Variants in PRDM12 observed in about 807,000 individuals in gnomAD.
The protein encoded by PRDM12 is PR/SET domain 12, also known as PR domain zinc finger protein 12.
Under a neutral mutation model 29.6 loss-of-function variants are expected in PRDM12, and 17 were observed. That is an observed-to-expected ratio of 0.57 (90% CI 0.39 to 0.86). The LOEUF is 0.86. Among genes scored for constraint, PRDM12 ranks in the 40% least tolerant of loss-of-function variants. The pLI, the probability that PRDM12 is intolerant of heterozygous loss-of-function variation, is 0.00. For synonymous variants in PRDM12, 231 were observed against 225.8 expected, an observed-to-expected ratio of 1.02 and a Z score of -0.21; for missense variants, 422 against 510.8, an observed-to-expected ratio of 0.83 and a Z score of 1.68.
Position 130,668,168 on chromosome 9 carries a change from A to G in PRDM12, c.425A>G (p.Glu142Gly), listed in dbSNP as rs148215906. 6.8e-6 allele frequency: 11 copies of G among 1,614,138 alleles called. No individual in the cohort carries two copies. In the African/African-American group the frequency reaches 1.3e-4, roughly 20 times the overall value. Residue 142 changes from glutamate (E) to glycine (G), a missense_variant, in exon 3 of 5, where the codon GAG (glutamate) becomes GGG (glycine). Around this residue, in one of 5 missense-constraint regions of PRDM12, gnomAD observed 300 missense variants for 350.0 expected, o/e 0.86. Transcript: ENST00000253008. The surrounding 1 kb of genome is among the most constrained non-coding windows in gnomAD (Gnocchi z 4.0). Reference protein sequence around the residue: ...NNNLMWEVFNEDGTVRYFIDA... With the variant: ...NNNLMWEVFNGDGTVRYFIDA... ...TCCATCTGTGCCCAGGTGTTCAATG[A>G]GGATGGCACGGTGCGCTACTTCATC... is the stretch of plus-strand genomic sequence containing the variant.
chr9:130,680,706 T>A (rs1308900239), intron 4 of PRDM12, among the ~76,000 whole-genome samples: 1 of 145,878 alleles, frequency 6.9e-6, no homozygotes, highest in Admixed American at 7.0e-5. Flanking sequence ...ATTATCTCCA[T>A]TTCAGGAAGG....
At chr9:130,679,747 A>G (rs1487664329) in intron 4 of PRDM12, among the ~76,000 whole-genome samples, 1 of 151,976 alleles carries the variant, frequency 6.6e-6, no homozygotes, top group Non-Finnish European at 1.5e-5. Flanking sequence ...TACAGCCTCA[A>G]CCACCTGGGC....
At chr9:130,666,902 CG>C (rs1347276839) in intron 2 of PRDM12, 104 bp downstream of exon 2, 13 of 1,426,104 alleles carry the variant, frequency 9.1e-6, no homozygotes, top group African/African-American at 1.5e-5. Flanking sequence ...GGGCTGAGAG[CG>C]GCGGACACTC....
chr9:130,680,656 TA>T (rs1335344525), intron 4 of PRDM12, among the ~76,000 whole-genome samples: 1,575 of 92,044 alleles, frequency 0.017, 28 homozygotes, highest in Admixed American at 0.031. Flanking sequence ...TATATATATA[TA>T]TATTTTTTTT....
chr9:130,667,908 G>A (rs552032665), intron 2 of PRDM12, among the ~76,000 whole-genome samples: 73 of 152,262 alleles, frequency 4.8e-4, no homozygotes, highest in African/African-American at 1.7e-3. Context: ...GGAGGACACG[G>A]CAACAGGAGC....
In PRDM12 at chr9:130,679,478, G is replaced by A. The variant is rs1344379322; in HGVS notation, c.682+838G>A. Reference sequence around the variant, plus strand: ...CTCCCGAGTAGTTGGGATTACAGGCGTGTGCCACCATGCCCAGCTAATCTT... The same window carrying A: ...CTCCCGAGTAGTTGGGATTACAGGCATGTGCCACCATGCCCAGCTAATCTT... On this transcript the variant is annotated intron_variant, in intron 4 of 4. Coordinates refer to ENST00000253008, the MANE Select transcript of PRDM12 (RefSeq NM_021619.3). Among the ~76,000 whole-genome samples, 5 of 151,780 alleles carry A rather than the reference G, an allele frequency of 3.3e-5. 1 individual carries two copies. Among genetic ancestry groups the A allele is most frequent in the Middle Eastern group, 6.8e-3 (2 of 294 alleles).
Position 130,680,659 on chromosome 9 carries a change from ATTTT to A in PRDM12, c.683-578_683-575del, listed in dbSNP as rs767033169. Among the ~76,000 whole-genome samples the A allele has an allele frequency of 3.6e-3, 263 of 72,164 alleles. 2 individuals are homozygous for A. The highest frequency in any genetic ancestry group is 0.014 in the East Asian group (22 of 1,552). 47.3% of individuals were successfully genotyped at this position (72,164 alleles called of 152,430 possible). On this transcript the variant is annotated intron_variant, in intron 4 of 4. Coordinates refer to ENST00000253008, the MANE Select transcript of PRDM12 (RefSeq NM_021619.3). ...AATATATATATATATATATATATAT[ATTTT>A]TTTTTTTTTTAACTGATCCTTACCA...
At position 130,666,806 on chromosome 9, in the gene PRDM12, C is replaced by G; in HGVS notation, c.414+8C>G. 1 of 1,592,396 alleles carries G rather than the reference C, an allele frequency of 6.3e-7. No individual in the cohort carries two copies. ...AACAACCTCATGTGGGAGGTACGCG[C>G]GGGCTGGGGCAGAGGGGCGCAAGGG... On this transcript the variant is annotated splice_region_variant and intron_variant, in intron 2 of 4. Transcript: ENST00000253008.
At chr9:130,678,786 T>C in intron 4 of PRDM12, 146 bp downstream of exon 4, 2 of 664,356 alleles carry the variant, frequency 3.0e-6, no homozygotes, top group Non-Finnish European at 2.6e-6. Flanking sequence ...AGATCAGACA[T>C]ACAGGTCCAA....
intron 2 of PRDM12, among the ~76,000 whole-genome samples, chr9:130,667,134 C>T (rs1830741412): frequency 6.6e-6 from 1 of 152,244 alleles, no homozygotes; most frequent in Admixed American, 6.5e-5. Context: ...CCCTCCAGGC[C>T]TCTTCCCAGC....
chr9:130,666,931 T>A, intron 2 of PRDM12, 133 bp downstream of exon 2: 1 of 1,246,642 alleles, frequency 8.0e-7, no homozygotes, highest in Non-Finnish European at 1.1e-6. Flanking sequence ...GGACGCCCCC[T>A]GAGCCGGGAC....
chr9:130,666,047 G>C (rs950996999), intron 1 of PRDM12, among the ~76,000 whole-genome samples: 1 of 152,200 alleles, frequency 6.6e-6, no homozygotes, highest in African/African-American at 2.4e-5. Flanking sequence ...CGAGCGCAGA[G>C]CCTGGCCAGC....
At chr9:130,679,314 TTTTC>T (rs1339392049) in intron 4 of PRDM12, among the ~76,000 whole-genome samples, 12 of 150,446 alleles carry the variant, frequency 8.0e-5, no homozygotes, top group Non-Finnish European at 1.8e-4. Flanking sequence ...TTTTTTTTCT[TTTTC>T]TTTCTTTCTT....
At chr9:130,671,587 A>G (rs1039579466) in intron 3 of PRDM12, among the ~76,000 whole-genome samples, 2 of 152,156 alleles carry the variant, frequency 1.3e-5, no homozygotes, top group African/African-American at 2.4e-5. Flanking sequence ...GATTTCTCAA[A>G]CCATTTTGTC....
chr9:130,666,860 A>T, intron 2 of PRDM12, 62 bp downstream of exon 2: 1 of 1,519,336 alleles, frequency 6.6e-7, no homozygotes, highest in Non-Finnish European at 8.8e-7. Flanking sequence ...CGCGGGTAGG[A>T]CTCGGGCGTC....
At chr9:130,666,201 C>T (rs1830731589) in intron 1 of PRDM12, among the ~76,000 whole-genome samples, 1 of 152,214 alleles carries the variant, frequency 6.6e-6, no homozygotes, top group Non-Finnish European at 1.5e-5. Flanking sequence ...AAAGAGTCTC[C>T]GGTTGGCCTT....
At position 130,665,583 on chromosome 9, in the gene PRDM12, G is replaced by C. The variant is rs531638905; in HGVS notation, c.223+707G>C. On this transcript the variant is annotated intron_variant, in intron 1 of 4. Transcript: ENST00000253008. ...CCATCTAATCCCCCTTTTTTGTAAG[G>C]GGAATTCCTCGGCCCCTTTTAAACA... Among the ~76,000 whole-genome samples, 8 of 151,990 alleles carry C rather than the reference G, an allele frequency of 5.3e-5. No homozygotes were observed. In the South Asian group the frequency reaches 1.7e-3, roughly 32 times the overall value.
chr9:130,666,627 C>T lies in PRDM12; in HGVS notation c.243C>T (p.Ser81=), dbSNP rs1198597645. 6.2e-7 allele frequency: 1 copy of T among 1,611,510 alleles called. No homozygotes were observed. Among genetic ancestry groups the T allele is most frequent in the African/African-American group, 1.3e-5 (1 of 74,662 alleles). The change falls in exon 2 of 5, where the codon AGC becomes AGT. Residue 81 remains serine (S), a synonymous_variant. Coordinates refer to ENST00000253008, the MANE Select transcript of PRDM12 (RefSeq NM_021619.3). ...CCGCAGAAGTGCAGAAGCTGTCCAG[C>T]CTGGTGCTGCCTGCGGAGGTGATCA... ...SFSGEVQKLS[S]LVLPAEVIIA...
At chr9:130,680,660 T>TATATA (rs1554753125) in intron 4 of PRDM12, among the ~76,000 whole-genome samples, 19 of 49,400 alleles carry the variant, frequency 3.8e-4, no homozygotes, top group East Asian at 2.7e-3. Context: ...TATATATATA[T>TATATA]TTTTTTTTTT....
Sources: gnomAD v4.1 joint callset for allele counts (sites outside exome capture counted in the v4.1 genomes callset) on GRCh38, gnomAD v4.1.1 for gene constraint, gnomAD v4.1.1 regional missense constraint, Gnocchi (gnomAD v3.1) non-coding constraint, MANE v1.5 for transcripts, NCBI Gene and HGNC (gene_info 2026-07-23, HGNC 2026-07-21) for gene names.